LRRC4C: variants seen among roughly 807,000 people sequenced by gnomAD.
The protein encoded by LRRC4C is leucine rich repeat containing 4C.
In LRRC4C, 5 loss-of-function variants were observed where a neutral mutation model predicts 33.6. That is an observed-to-expected ratio of 0.15 (90% CI 0.08 to 0.31). LRRC4C has a LOEUF of 0.31. Ranked by LOEUF, LRRC4C falls within the 10% of genes least tolerant of loss-of-function variation. LRRC4C has a pLI of 1.00. For missense variants in LRRC4C, 560 were observed against 796.7 expected (o/e 0.70, Z 3.58); for synonymous variants, 329 against 302.0 (o/e 1.09, Z -0.93).
chr11:41,298,886 T>G (rs1413578988), intron 1 of LRRC4C, among the ~76,000 whole-genome samples: 1 of 151,932 alleles, frequency 6.6e-6, no homozygotes, highest in African/African-American at 2.4e-5. Flanking sequence ...TAAGTGAGAA[T>G]GTGGTATTTG....
intron 1 of LRRC4C, among the ~76,000 whole-genome samples, chr11:41,166,665 T>C (rs1944742701): frequency 6.6e-6 from 1 of 152,212 alleles, no homozygotes; most frequent in African/African-American, 2.4e-5. Flanking sequence ...CACATGACTA[T>C]AGTCTTGTGG....
chr11:40,640,411 T>A (rs1942036167), intron 3 of LRRC4C, among the ~76,000 whole-genome samples: 1 of 152,098 alleles, frequency 6.6e-6, no homozygotes, highest in African/African-American at 2.4e-5. Context: ...ATTGCCTTTA[T>A]CATGTTAGGT....
intron 1 of LRRC4C, among the ~76,000 whole-genome samples, chr11:41,252,868 C>T (rs1948686150): frequency 6.6e-6 from 1 of 152,086 alleles, no homozygotes; most frequent in South Asian, 2.1e-4. Flanking sequence ...TCTCATGAGA[C>T]TTATTCACTA....
At chr11:41,058,273 C>G (rs528292226) in intron 1 of LRRC4C, among the ~76,000 whole-genome samples, 97 of 152,246 alleles carry the variant, frequency 6.4e-4, no homozygotes, top group Non-Finnish European at 8.5e-4. Flanking sequence ...TCCCCAGTGC[C>G]AGCCGTGGAA....
At chr11:41,248,978 T>C (rs1469580947) in intron 1 of LRRC4C, among the ~76,000 whole-genome samples, 1 of 152,094 alleles carries the variant, frequency 6.6e-6, no homozygotes, top group Non-Finnish European at 1.5e-5. Context: ...CAAAATATAC[T>C]CTGAATTTGC....
intron 1 of LRRC4C, among the ~76,000 whole-genome samples, chr11:41,310,084 G>T (rs1053479778): frequency 3.0e-4 from 45 of 152,208 alleles, no homozygotes; most frequent in African/African-American, 1.1e-3. Flanking sequence ...AAAGACTAGG[G>T]TTTCAATGAC....
At chr11:41,148,284 G>A (rs926456647) in intron 1 of LRRC4C, among the ~76,000 whole-genome samples, 1 of 152,066 alleles carries the variant, frequency 6.6e-6, no homozygotes, top group African/African-American at 2.4e-5. Flanking sequence ...CAAAGTGCTG[G>A]GATTACAGGA....
At chr11:40,300,372 T>C (rs933583574) in intron 4 of LRRC4C, among the ~76,000 whole-genome samples, 5 of 152,180 alleles carry the variant, frequency 3.3e-5, no homozygotes, top group Non-Finnish European at 4.4e-5. Context: ...GATTGCAGAA[T>C]TGCCCATTTG....
At chr11:41,085,200 A>G (rs977900503) in intron 1 of LRRC4C, among the ~76,000 whole-genome samples, 13 of 152,178 alleles carry the variant, frequency 8.5e-5, no homozygotes. Context: ...CAAGAATGAG[A>G]ATGACAAATC....
chr11:41,443,089 A>ATTTTTTTTTTTTTTTTTTTTTTTTT, intron 1 of LRRC4C, among the ~76,000 whole-genome samples: 2 of 105,990 alleles, frequency 1.9e-5, no homozygotes, highest in African/African-American at 3.7e-5. Context: ...TGTTTGCTTC[A>ATTTTTTTTTTTTTTTTTTTTTTTTT]TTTTTTTTTT....
chr11:40,323,313 A>G (rs1427296909), intron 3 of LRRC4C, among the ~76,000 whole-genome samples: 2 of 152,224 alleles, frequency 1.3e-5, no homozygotes, highest in African/African-American at 4.8e-5. Flanking sequence ...TATTCATATA[A>G]AAATAGTTCC....
intron 2 of LRRC4C, among the ~76,000 whole-genome samples, chr11:40,687,459 C>T (rs1363555090): frequency 6.6e-6 from 1 of 151,878 alleles, no homozygotes; most frequent in Non-Finnish European, 1.5e-5. Context: ...CTCTGATGGT[C>T]ATGATCATAT....
At chr11:40,392,431 A>G (rs1235684227) in intron 3 of LRRC4C, among the ~76,000 whole-genome samples, 1 of 152,128 alleles carries the variant, frequency 6.6e-6, no homozygotes, top group Non-Finnish European at 1.5e-5. Flanking sequence ...AAGGGGCCAT[A>G]TGAGGAACTC....
chr11:40,374,514 C>T (rs546905827), intron 3 of LRRC4C, among the ~76,000 whole-genome samples: 2 of 152,100 alleles, frequency 1.3e-5, no homozygotes, highest in East Asian at 3.9e-4. Flanking sequence ...TAATATGTAC[C>T]AGGTGAACAG....
At chr11:40,915,118 G>A in intron 2 of LRRC4C, among the ~76,000 whole-genome samples, 1 of 152,154 alleles carries the variant, frequency 6.6e-6, no homozygotes, top group East Asian at 1.9e-4. Flanking sequence ...TGGCCATACT[G>A]CCCAAGGTAA....
intron 1 of LRRC4C, among the ~76,000 whole-genome samples, chr11:41,135,564 T>C (rs1365626441): frequency 6.6e-6 from 1 of 152,232 alleles, no homozygotes; most frequent in Non-Finnish European, 1.5e-5. Flanking sequence ...GATACCACAC[T>C]ATTGATCCAC....
intron 2 of LRRC4C, among the ~76,000 whole-genome samples, chr11:40,912,343 A>G (rs994480250): frequency 6.6e-6 from 1 of 152,334 alleles, no homozygotes; most frequent in Admixed American, 6.5e-5. Flanking sequence ...CTAACAGCTG[A>G]TCTCTCAGCA....
intron 3 of LRRC4C, among the ~76,000 whole-genome samples, chr11:40,448,575 T>A (rs559063584): frequency 1.3e-5 from 2 of 152,198 alleles, no homozygotes; most frequent in Non-Finnish European, 2.9e-5. Context: ...GCAAAGGACA[T>A]GAACTCATCC....
chr11:41,435,658 G>T (rs771396255), intron 1 of LRRC4C, among the ~76,000 whole-genome samples: 4 of 152,082 alleles, frequency 2.6e-5, no homozygotes, highest in African/African-American at 7.2e-5. Context: ...CATGAGAATC[G>T]CATGGTTATT....
Sources: allele counts gnomAD v4.1 joint callset (sites outside exome capture counted in the v4.1 genomes callset), GRCh38; gene constraint gnomAD v4.1.1; transcripts MANE v1.5; gene names NCBI Gene and HGNC (gene_info 2026-07-23, HGNC 2026-07-21).